Variants in SPTBN5 observed in about 807,000 individuals in gnomAD.
SPTBN5 encodes spectrin beta chain, non-erythrocytic 5.
A neutral mutation model predicts 477.6 loss-of-function variants in SPTBN5; 513 were observed. That is an observed-to-expected ratio of 1.07 (90% CI 1.00 to 1.16). The LOEUF (loss-of-function observed/expected upper bound fraction) is 1.16. Among genes scored for constraint, SPTBN5 ranks in the 50% most tolerant of loss-of-function variants. The pLI, the probability that SPTBN5 is intolerant of heterozygous loss-of-function variation, is 0.00. For synonymous variants in SPTBN5, 2,169 were observed against 2,011.7 expected (o/e 1.08, Z -2.09); for missense variants, 5,062 against 4,731.8 (o/e 1.07, Z -2.05).
chr15:41,866,070 C>T lies in SPTBN5; in HGVS notation c.6790G>A (p.Val2264Met). The change falls in exon 38 of 68, where the codon GTG becomes ATG. Residue 2264 changes from valine to methionine, a missense_variant. Coordinates refer to ENST00000320955, the MANE Select transcript of SPTBN5 (RefSeq NM_016642.4). ...RRNFLEFLQR[V>M]DLAEAWIQEK... ...TGGATCCAGGCCTCTGCAAGGTCCA[C>T]TCTCTGCAGGAACTCCAGGAAGTTC... 1 of 1,556,246 alleles carries T rather than the reference C, an allele frequency of 6.4e-7. No homozygotes were observed. The highest frequency in any genetic ancestry group is 8.7e-7 in the Non-Finnish European group (1 of 1,150,486).
intron 13 of SPTBN5, 45 bp downstream of exon 13, chr15:41,880,989 G>A (rs1315144627): frequency 6.6e-7 from 1 of 1,514,322 alleles, no homozygotes; most frequent in Admixed American, 2.0e-5. Flanking sequence ...AGGAGCTGCT[G>A]GCACAGAGTA....
chr15:41,854,217 G>C lies in SPTBN5; in HGVS notation c.9619-12C>G. On this transcript the variant is annotated splice_polypyrimidine_tract_variant and intron_variant, in intron 56 of 67. Transcript: ENST00000320955. ...GCTGCAGCCAAGTTCTGGGAGAGGA[G>C]AAAGGACCTGCTCAGGGCTGTTCTC... 1.3e-6 allele frequency: 2 copies of C among 1,588,394 alleles called. No homozygotes were observed. The highest frequency in any genetic ancestry group is 1.7e-6 in the Non-Finnish European group (2 of 1,167,566).
intron 35 of SPTBN5, 149 bp from the exon 36 acceptor site, chr15:41,867,275 C>A (rs2066357214): frequency 2.9e-6 from 3 of 1,017,240 alleles, no homozygotes; most frequent in East Asian, 5.2e-5. Context: ...CAGCCACAAG[C>A]CAGACCAGTC....
Position 41,893,029 on chromosome 15 carries a change from C to T in SPTBN5, c.249G>A (p.Glu83=), listed in dbSNP as rs370269574. ...GCAGGAGGTGGATGCCGTCAGCCAG[C>T]TCTGTGTACAGGTTCCGGATCTTGA... ...AGIKIRNLYT[E]LADGIHLLRL... The change falls in exon 3 of 68, where the codon GAG becomes GAA. Residue 83 remains glutamate, a synonymous_variant. Coordinates refer to ENST00000320955, the MANE Select transcript of SPTBN5 (RefSeq NM_016642.4). The T allele has an allele frequency of 1.2e-6, 2 of 1,611,494 alleles. No homozygotes were observed. Among genetic ancestry groups the T allele is most frequent in the East Asian group, 2.2e-5 (1 of 44,886 alleles).
At position 41,857,403 on chromosome 15, in the gene SPTBN5, A is replaced by G. The variant is rs574798174; in HGVS notation, c.8456T>C (p.Leu2819Pro). 7 of 1,593,030 alleles carry G rather than the reference A, an allele frequency of 4.4e-6. No homozygotes were observed. The African/African-American group carries it at 8.1e-5, about 18-fold the overall frequency. ...GCCCAGGAGCTCGCCCACCCCAGGC[A>G]GGGCCTGGCCCACAGTGGGGGCTCT... is the stretch of plus-strand genomic sequence containing the variant. ...ELRAPTVGQA[L>P]PGVGELLGTQ... Residue 2819 changes from leucine to proline, a missense_variant, in exon 51 of 68, where the codon CTG becomes CCG. Physicochemically the swap from Leu to Pro is moderately conservative, Grantham distance 98 (BLOSUM62 -3). Transcript: ENST00000320955.
intron 21 of SPTBN5, among the ~76,000 whole-genome samples, chr15:41,875,858 G>A (rs559284691): frequency 1.3e-5 from 2 of 152,300 alleles, no homozygotes; most frequent in African/African-American, 2.4e-5. Context: ...GGGGAGAGCC[G>A]TGTTCTGGTA....
intron 29 of SPTBN5, 79 bp from the exon 30 acceptor site, chr15:41,870,639 G>A: frequency 8.3e-7 from 1 of 1,205,176 alleles, no homozygotes; most frequent in Non-Finnish European, 1.2e-6. Flanking sequence ...GGTCTGGTCA[G>A]CCCGCTCCTC....
rs2065751154 is a variant in SPTBN5 at position 41,851,265 on chromosome 15, C to T, written c.10743+18G>A. On this transcript the variant is annotated intron_variant, in intron 64 of 67. Transcript: ENST00000320955. ...CCCAGCACCCTGATGTCTGCATCTC[C>T]CCTACCCCGCCTGGTACCTCCGCTG... is the stretch of plus-strand genomic sequence containing the variant. 1.5e-5 allele frequency: 23 copies of T among 1,551,522 alleles called. No homozygotes were observed. The highest frequency in any genetic ancestry group is 1.8e-5 in the Non-Finnish European group (21 of 1,147,104).
In SPTBN5 at chr15:41,850,947, C is replaced by A. The variant is rs774673220; in HGVS notation, c.10836-8G>T. ...TCTGCCCCACTGGTCAGCCTGGCAC[C>A]CACAGTCACAGGTCAAACTCCACTG... On this transcript the variant is annotated splice_polypyrimidine_tract_variant and splice_region_variant and intron_variant, in intron 65 of 67. Coordinates refer to ENST00000320955, the MANE Select transcript of SPTBN5 (RefSeq NM_016642.4). 65 of 1,596,774 alleles carry A rather than the reference C, an allele frequency of 4.1e-5. No homozygotes were observed. The highest frequency in any genetic ancestry group is 1.7e-4 in the Middle Eastern group (1 of 6,050).
In SPTBN5 at chr15:41,868,390, G is replaced by C. The variant is rs1335642438; in HGVS notation, c.6057+8C>G. 8 of 1,596,076 alleles carry C rather than the reference G, an allele frequency of 5.0e-6. No individual in the cohort carries two copies. Among genetic ancestry groups the C allele is most frequent in the Non-Finnish European group, 6.8e-6 (8 of 1,170,032 alleles). On this transcript the variant is annotated splice_region_variant and intron_variant, in intron 33 of 67. Transcript: ENST00000320955. ...GGGTATGTGGGGGCACCAGGGGAGGGGGCCCACCTCCTTGGTGGGTGTCCC... is the reference window on the plus strand; with the variant it reads ...GGGTATGTGGGGGCACCAGGGGAGGCGGCCCACCTCCTTGGTGGGTGTCCC...
intron 40 of SPTBN5, 37 bp from the exon 41 acceptor site, chr15:41,863,855 G>A: frequency 1.2e-6 from 2 of 1,612,954 alleles, no homozygotes; most frequent in Non-Finnish European, 1.7e-6. Context: ...GGAGCCTGAG[G>A]TGGCCTTCCA....
At position 41,883,502 on chromosome 15, in the gene SPTBN5, A is replaced by C; in HGVS notation, c.1521-16T>G. The C allele has an allele frequency of 6.2e-7, 1 of 1,611,916 alleles. No individual in the cohort carries two copies. Among genetic ancestry groups the C allele is most frequent in the East Asian group, 2.2e-5 (1 of 44,816 alleles). On this transcript the variant is annotated splice_polypyrimidine_tract_variant and intron_variant, in intron 7 of 67. Transcript: ENST00000320955. ...TTCCTCCTGCCTAGAGGATATGAGA[A>C]TAAGGGAGATCTCCTCTGGGTTGGG...
chr15:41,851,584 T>TGGGG (rs72299487), intron 63 of SPTBN5, among the ~76,000 whole-genome samples, 195 bp downstream of exon 63: 4 of 124,290 alleles, frequency 3.2e-5, no homozygotes, highest in Admixed American at 7.9e-5. Context: ...CACCTCCTGG[T>TGGGG]GGGGGTGGGT....
rs552479655 is a variant in SPTBN5, at chr15:41,862,634, G to A, written c.7290C>T (p.Leu2430=). The change falls in exon 43 of 68, where the codon CTC becomes CTT. Residue 2430 remains leucine, a synonymous_variant. Transcript: ENST00000320955. ...VESLEREVGR[L]CQRSPEAAHG... is the part of the protein sequence containing the mutation. ...GGGCTGCCTCGGGGCTTCTTTGGCA[G>A]AGGCGGCCCACTTCACGCTCTAGGG... The A allele has an allele frequency of 3.9e-5, 60 of 1,555,756 alleles. No homozygotes were observed. The Admixed American group carries it at 8.6e-4, about 22-fold the overall frequency.
Position 41,857,018 on chromosome 15 carries a change from G to A in SPTBN5, c.8643C>T (p.Pro2881=), listed in dbSNP as rs1296856686. ...LLQRFKSLRE[P]LQERRTALEA... The stretch of plus-strand genomic sequence containing the variant: ...CCAGGGCCGTCCTGCGCTCCTGCAG[G>A]GGCTCCCTCAGGCTCTTGAACCTGC... The change falls in exon 52 of 68, where the codon CCC becomes CCT. Residue 2881 remains proline, a synonymous_variant. Transcript: ENST00000320955. 2 of 1,604,956 alleles carry A rather than the reference G, an allele frequency of 1.2e-6. No homozygotes were observed. The highest frequency in any genetic ancestry group is 1.7e-6 in the Non-Finnish European group (2 of 1,176,574).
chr15:41,880,875 C>T (rs1457498933), intron 13 of SPTBN5, among the ~76,000 whole-genome samples, 159 bp downstream of exon 13: 4 of 152,254 alleles, frequency 2.6e-5, no homozygotes, highest in African/African-American at 4.8e-5. Context: ...GATCCCATCA[C>T]ACCTGCATCT....
Position 41,851,086 on chromosome 15 carries a change from T to C in SPTBN5, c.10808A>G (p.His3603Arg), listed in dbSNP as rs2065742741. ...GARCERLRGR[H>R]GRKHTFSLRL... Reference sequence around the variant, plus strand: ...TAAGGAGAATGTGTGTTTCCTGCCGTGGCGGCCCCGCAGCCTCTCACACCG... The same window carrying C: ...TAAGGAGAATGTGTGTTTCCTGCCGCGGCGGCCCCGCAGCCTCTCACACCG... Residue 3603 changes from histidine to arginine, a missense_variant, in exon 65 of 68, where the codon CAC becomes CGC. His to Arg is a conservative substitution (Grantham distance 29). Coordinates refer to ENST00000320955, the MANE Select transcript of SPTBN5 (RefSeq NM_016642.4). The C allele has an allele frequency of 6.2e-7, 1 of 1,612,922 alleles. No homozygotes were observed. Among genetic ancestry groups the C allele is most frequent in the Non-Finnish European group, 8.5e-7 (1 of 1,179,750 alleles).
intron 5 of SPTBN5, 32 bp from the exon 6 acceptor site, chr15:41,887,473 G>A (rs1201550546): frequency 6.0e-6 from 9 of 1,493,374 alleles, no homozygotes; most frequent in East Asian, 4.9e-5. Context: ...CTCTTCACCA[G>A]CAGGAACCTA....
In SPTBN5 at chr15:41,854,814, T is replaced by C; in HGVS notation, c.9586A>G (p.Arg3196Gly). The C allele has an allele frequency of 6.4e-7, 1 of 1,573,976 alleles. No individual in the cohort carries two copies. Among genetic ancestry groups the C allele is most frequent in the Non-Finnish European group, 8.6e-7 (1 of 1,160,012 alleles). Residue 3196 changes from arginine to glycine, a missense_variant, in exon 56 of 68, where the codon AGG becomes GGG. Arg to Gly is a moderately radical substitution (Grantham distance 125). Coordinates refer to ENST00000320955, the MANE Select transcript of SPTBN5 (RefSeq NM_016642.4). Reference protein sequence around the residue: ...QRSRIEAAWERLDQAIKARTE... With the variant: ...QRSRIEAAWEGLDQAIKARTE... ...CGGGCTTTTATTGCTTGGTCCAACC[T>C]CTCCCAAGCAGCCTCAATGCGGCTC...
Sources: gnomAD v4.1 joint callset for allele counts (sites outside exome capture counted in the v4.1 genomes callset) on GRCh38, gnomAD v4.1.1 for gene constraint, MANE v1.5 for transcripts, NCBI Gene and HGNC (gene_info 2026-07-23, HGNC 2026-07-21) for gene names.